SCHIP1: variants seen among roughly 807,000 people sequenced by gnomAD.
The protein encoded by SCHIP1 is schwannomin interacting protein 1, also known as schwannomin-interacting protein 1.
Under a neutral mutation model 29.7 loss-of-function variants are expected in SCHIP1, and 8 were observed. The observed-to-expected ratio is 0.27, with a 90% CI of 0.16 to 0.49. The LOEUF is 0.49. SCHIP1 is among the 20% of genes least tolerant of loss of function. The pLI is 0.99. For missense variants in SCHIP1, 193 were observed against 294.6 expected (o/e 0.66, Z 2.52); for synonymous variants, 76 against 94.9 (o/e 0.80, Z 1.16).
At chr3:159,659,287 A>T in the SCHIP1 span, among the ~76,000 whole-genome samples, 1 of 152,276 alleles carries the variant, frequency 6.6e-6, no homozygotes, top group South Asian at 2.1e-4. Flanking sequence ...GATCCGACTG[A>T]TCATGAAATC....
the SCHIP1 span, among the ~76,000 whole-genome samples, chr3:159,743,563 A>G: frequency 1.3e-5 from 2 of 152,222 alleles, 1 homozygote; most frequent in South Asian, 4.1e-4. Context: ...TGGTTACTTG[A>G]GTTTACACAT....
At chr3:159,608,130 G>T in the SCHIP1 span, among the ~76,000 whole-genome samples, 1 of 152,160 alleles carries the variant, frequency 6.6e-6, no homozygotes, top group Non-Finnish European at 1.5e-5. Context: ...CAATGTGATC[G>T]TTATGGACAT....
the SCHIP1 span, among the ~76,000 whole-genome samples, chr3:159,767,267 T>C: frequency 1.3e-5 from 2 of 152,220 alleles, no homozygotes; most frequent in East Asian, 3.8e-4. Flanking sequence ...ATAGAATGTA[T>C]GATAGTGTAT....
At chr3:159,432,496 C>T in the SCHIP1 span, among the ~76,000 whole-genome samples, 2 of 152,076 alleles carry the variant, frequency 1.3e-5, no homozygotes, top group Admixed American at 6.5e-5. Flanking sequence ...TAGAGACACA[C>T]TCAAGTGAAA....
chr3:159,528,484 A>G, the SCHIP1 span, among the ~76,000 whole-genome samples: 1 of 151,750 alleles, frequency 6.6e-6, no homozygotes, highest in Admixed American at 6.6e-5. Flanking sequence ...GGCAGTGGCG[A>G]CTCTACTTGC....
At chr3:159,545,043 A>G in the SCHIP1 span, among the ~76,000 whole-genome samples, 2 of 152,124 alleles carry the variant, frequency 1.3e-5, no homozygotes, top group Non-Finnish European at 2.9e-5. Context: ...ATCAAGAGCC[A>G]TGTTTCCCAA....
chr3:159,371,013 G>A, the SCHIP1 span, among the ~76,000 whole-genome samples: 9 of 152,204 alleles, frequency 5.9e-5, 1 homozygote, highest in African/African-American at 2.2e-4. Context: ...TGTTTCTGTG[G>A]AGAACCCAGA....
chr3:159,308,886 T>C, the SCHIP1 span, among the ~76,000 whole-genome samples: 1 of 152,142 alleles, frequency 6.6e-6, no homozygotes, highest in Non-Finnish European at 1.5e-5. Flanking sequence ...CTGGAGGCCA[T>C]AATCCTAAGC....
the SCHIP1 span, among the ~76,000 whole-genome samples, chr3:159,510,760 G>A: frequency 6.6e-6 from 1 of 152,218 alleles, no homozygotes; most frequent in Non-Finnish European, 1.5e-5. Context: ...CTGGGTATCA[G>A]CAGCAGAGGC....
the SCHIP1 span, among the ~76,000 whole-genome samples, chr3:159,491,790 G>C: frequency 1.0e-3 from 153 of 152,346 alleles, no homozygotes; most frequent in African/African-American, 3.6e-3. Context: ...TCTGAGAACA[G>C]GCAGACTGCC....
At chr3:159,314,115 A>G in the SCHIP1 span, among the ~76,000 whole-genome samples, 1 of 152,130 alleles carries the variant, frequency 6.6e-6, no homozygotes, top group Non-Finnish European at 1.5e-5. Flanking sequence ...ATATTCAGGG[A>G]GATAGTTTGG....
chr3:159,490,109 T>C, the SCHIP1 span, among the ~76,000 whole-genome samples: 20 of 152,200 alleles, frequency 1.3e-4, no homozygotes, highest in African/African-American at 4.3e-4. Flanking sequence ...TTGTAATTTA[T>C]ACAAATATTT....
chr3:159,510,296 C>T, the SCHIP1 span, among the ~76,000 whole-genome samples: 1 of 152,138 alleles, frequency 6.6e-6, no homozygotes, highest in East Asian at 1.9e-4. Flanking sequence ...ACATAGTTCT[C>T]GTGCCATGGT....
At chr3:159,671,061 A>G in the SCHIP1 span, among the ~76,000 whole-genome samples, 2 of 152,156 alleles carry the variant, frequency 1.3e-5, no homozygotes. Context: ...CAGGTCACAT[A>G]CCCATGGACC....
At chr3:159,701,040 G>A in the SCHIP1 span, among the ~76,000 whole-genome samples, 1 of 152,116 alleles carries the variant, frequency 6.6e-6, no homozygotes, top group South Asian at 2.1e-4. Flanking sequence ...GTTCCTATCT[G>A]ATAGGGATGT....
intron 1 of SCHIP1, among the ~76,000 whole-genome samples, chr3:159,841,536 A>C (rs1744221580): frequency 6.6e-6 from 1 of 152,222 alleles, no homozygotes; most frequent in South Asian, 2.1e-4. Context: ...TGATTGAATT[A>C]CTATAATAAT....
the SCHIP1 span, among the ~76,000 whole-genome samples, chr3:159,692,825 C>T: frequency 3.3e-5 from 5 of 152,062 alleles, no homozygotes; most frequent in Non-Finnish European, 5.9e-5. Context: ...TATCTAGTTC[C>T]TACAAAAAGA....
the SCHIP1 span, among the ~76,000 whole-genome samples, chr3:159,710,271 A>G: frequency 5.9e-5 from 9 of 152,316 alleles, no homozygotes; most frequent in East Asian, 1.7e-3. Flanking sequence ...AAAAAAGAAC[A>G]AAATTTTGTC....
At chr3:159,418,320 A>G in the SCHIP1 span, among the ~76,000 whole-genome samples, 1 of 152,312 alleles carries the variant, frequency 6.6e-6, no homozygotes, top group East Asian at 1.9e-4. Flanking sequence ...ATAGATATCT[A>G]TCTAGATATC....
Sources: gnomAD v4.1 joint callset for allele counts (sites outside exome capture counted in the v4.1 genomes callset) on GRCh38, gnomAD v4.1.1 for gene constraint, MANE v1.5 for transcripts, NCBI Gene and HGNC (gene_info 2026-07-23, HGNC 2026-07-21) for gene names.